GLRA1: variants seen among roughly 807,000 people sequenced by gnomAD.
GLRA1 encodes glycine receptor subunit alpha-1.
In GLRA1, 37 loss-of-function variants were observed where a neutral mutation model predicts 48.3. That is an observed-to-expected ratio of 0.77 (90% CI 0.59 to 1.01). GLRA1 has a LOEUF of 1.01. GLRA1 is among the 50% of genes least tolerant of loss of function. GLRA1 has a pLI of 0.00. For missense variants in GLRA1, 427 were observed against 571.0 expected (o/e 0.75, Z 2.57); for synonymous variants, 196 against 210.7 (o/e 0.93, Z 0.60).
At chr5:151,885,967 G>A (rs911830380) in intron 3 of GLRA1, among the ~76,000 whole-genome samples, 3 of 152,050 alleles carry the variant, frequency 2.0e-5, no homozygotes, top group Admixed American at 6.6e-5. Context: ...TGGATGTTCC[G>A]AAATGGATAG....
At chr5:151,879,329 C>T (rs1581639100) in intron 3 of GLRA1, among the ~76,000 whole-genome samples, 1 of 148,088 alleles carries the variant, frequency 6.8e-6, no homozygotes. Flanking sequence ...AACTAACTTC[C>T]TTTTTTTTTT....
At chr5:151,922,187 G>A (rs1754892562) in intron 1 of GLRA1, among the ~76,000 whole-genome samples, 1 of 152,146 alleles carries the variant, frequency 6.6e-6, no homozygotes, top group South Asian at 2.1e-4. Flanking sequence ...TTCCAACACA[G>A]CACCCATCCC....
intron 3 of GLRA1, among the ~76,000 whole-genome samples, chr5:151,862,530 C>T (rs139176379): frequency 6.6e-5 from 10 of 152,342 alleles, no homozygotes; most frequent in Non-Finnish European, 1.3e-4. Context: ...ACTAATCTGA[C>T]ATCTTACTAG....
intron 1 of GLRA1, among the ~76,000 whole-genome samples, chr5:151,894,035 C>G (rs1754168184): frequency 1.3e-5 from 2 of 152,120 alleles, no homozygotes; most frequent in Admixed American, 1.3e-4. Context: ...CTGAGCTTTC[C>G]TAGTACTGAA....
chr5:151,895,625 C>CTGTGTGTGTGTGTGTG lies in GLRA1; in HGVS notation c.57-3203_57-3188dup, dbSNP rs67871185. ...CTCTTGCAGCATGGTGTGTGTGTGT[C>CTGTGTGTGTGTGTGTG]TGTGTGTGTGTGTGTGTGTGTGTGT... On this transcript the variant is annotated intron_variant, in intron 1 of 8. Transcript: ENST00000274576. Among the ~76,000 whole-genome samples the CTGTGTGTGTGTGTGTG allele has an allele frequency of 9.7e-4, 142 of 146,690 alleles. 1 individual carries two copies. The highest frequency in any genetic ancestry group is 8.7e-3 in the East Asian group (43 of 4,926).
At chr5:151,850,916 C>A in intron 7 of GLRA1, 2 of 512,706 alleles carry the variant, frequency 3.9e-6, no homozygotes, top group East Asian at 3.5e-5. Context: ...TTTTTTAATT[C>A]AAAAAATTAA....
intron 7 of GLRA1, chr5:151,849,104 T>TTTTCTTTTCTTTCTTTCTTTC (rs748376771): frequency 8.5e-5 from 10 of 117,010 alleles, no homozygotes; most frequent in African/African-American, 4.9e-4. Flanking sequence ...ATTTCTTTTC[T>TTTTCTTTTCTTTCTTTCTTTC]TTTCTTTCTT....
At chr5:151,843,197 A>C (rs547920155) in intron 7 of GLRA1, among the ~76,000 whole-genome samples, 1 of 151,784 alleles carries the variant, frequency 6.6e-6, no homozygotes, top group African/African-American at 2.4e-5. Context: ...GAGTCAATGC[A>C]TTCTTTATTA....
At position 151,900,423 on chromosome 5, in the gene GLRA1, T is replaced by C. The variant is rs74696753; in HGVS notation, c.57-7985A>G. 5.4e-3 allele frequency among the ~76,000 whole-genome samples: 824 copies of C among 152,322 alleles called. 9 individuals are homozygous for C. Among genetic ancestry groups the C allele is most frequent in the African/African-American group, 0.019 (774 of 41,568 alleles). ...CATCCTGCTTTATTTTTAAAAAGCT[T>C]TTTTGTTTTTCTTGTTTGGTGGCAA... On this transcript the variant is annotated intron_variant, in intron 1 of 8. Coordinates refer to ENST00000274576, the MANE Select transcript of GLRA1 (RefSeq NM_000171.4).
intron 6 of GLRA1, among the ~76,000 whole-genome samples, chr5:151,854,769 T>G (rs954028582): frequency 6.6e-6 from 1 of 152,222 alleles, no homozygotes; most frequent in African/African-American, 2.4e-5. Flanking sequence ...AGTTCTTTAC[T>G]TCTGCCTTAG....
At chr5:151,895,051 G>A (rs952778593) in intron 1 of GLRA1, among the ~76,000 whole-genome samples, 10 of 152,006 alleles carry the variant, frequency 6.6e-5, no homozygotes, top group Non-Finnish European at 1.5e-4. Context: ...GGGTTTCTAG[G>A]TATGATTGTA....
At chr5:151,906,903 G>A (rs560648191) in intron 1 of GLRA1, among the ~76,000 whole-genome samples, 14 of 152,322 alleles carry the variant, frequency 9.2e-5, no homozygotes, top group Admixed American at 9.2e-4. Context: ...GACTTTTAAA[G>A]AGCAAGATGG....
At chr5:151,889,878 G>T (rs1249627944) in intron 2 of GLRA1, among the ~76,000 whole-genome samples, 1 of 152,034 alleles carries the variant, frequency 6.6e-6, no homozygotes, top group Non-Finnish European at 1.5e-5. Flanking sequence ...CTGCGGTGGG[G>T]CTCCAGGAAG....
At chr5:151,882,203 T>C (rs1014913441) in intron 3 of GLRA1, among the ~76,000 whole-genome samples, 3 of 152,198 alleles carry the variant, frequency 2.0e-5, no homozygotes, top group Non-Finnish European at 4.4e-5. Context: ...AATTAAATGT[T>C]TACATTTGGC....
chr5:151,877,850 T>C lies in GLRA1; in HGVS notation c.252+8871A>G, dbSNP rs78815872. Among the ~76,000 whole-genome samples the C allele has an allele frequency of 3.9e-5, 6 of 152,344 alleles. No homozygotes were observed. The East Asian group carries it at 1.2e-3, about 29-fold the overall frequency. ...AAGTCCAATAAAGGTCTTTCTTTTG[T>C]AAATGCCCAGTCTCAGGCATATCTT... is the stretch of plus-strand genomic sequence containing the variant. On this transcript the variant is annotated intron_variant, in intron 3 of 8. Transcript: ENST00000274576.
intron 7 of GLRA1, among the ~76,000 whole-genome samples, chr5:151,844,615 C>CT (rs1053450072): frequency 1.5e-5 from 1 of 68,034 alleles, no homozygotes; most frequent in Non-Finnish European, 2.8e-5. Flanking sequence ...GAGTAGTACT[C>CT]TATCTCAAAA....
In GLRA1 at chr5:151,886,780, C is replaced by T. The variant is rs1187167141; in HGVS notation, c.193G>A (p.Val65Met). 1 of 1,612,442 alleles carries T rather than the reference C, an allele frequency of 6.2e-7. No homozygotes were observed. Among genetic ancestry groups the T allele is most frequent in the South Asian group, 1.1e-5 (1 of 91,050 alleles). Residue 65 changes from valine (V) to methionine (M), a missense_variant, in exon 3 of 9, where the codon GTG becomes ATG. Around this residue, in one of 4 missense-constraint regions of GLRA1, gnomAD observed 271 missense variants for 434.9 expected, o/e 0.62. Coordinates refer to ENST00000274576, the MANE Select transcript of GLRA1 (RefSeq NM_000171.4). ...RIRPNFKGPP[V>M]NVSCNIFINS... ...ATGAAAATGTTGCAGCTCACGTTCA[C>T]TGGGGGACCTGCCAATCAAGAGAGA...
chr5:151,922,351 T>C (rs1323381741), intron 1 of GLRA1, among the ~76,000 whole-genome samples: 3 of 152,250 alleles, frequency 2.0e-5, no homozygotes, highest in Non-Finnish European at 4.4e-5. Flanking sequence ...AAAATACCAA[T>C]TGAACAAATA....
chr5:151,825,237 C>T (rs1431201379), intron 8 of GLRA1, among the ~76,000 whole-genome samples: 1 of 152,168 alleles, frequency 6.6e-6, no homozygotes, highest in African/African-American at 2.4e-5. Context: ...AGAAGGGGGT[C>T]TAAGTCTGAC....
Sources: gnomAD v4.1 joint callset for allele counts (sites outside exome capture counted in the v4.1 genomes callset) on GRCh38, gnomAD v4.1.1 for gene constraint, gnomAD v4.1.1 regional missense constraint, MANE v1.5 for transcripts, NCBI Gene and HGNC (gene_info 2026-07-23, HGNC 2026-07-21) for gene names.